Variants in TMEM132C observed in about 807,000 individuals in gnomAD.
TMEM132C encodes protein phosphatase 1, regulatory subunit 152.
Under a neutral mutation model 61.4 loss-of-function variants are expected in TMEM132C, and 29 were observed. The observed-to-expected ratio is 0.47, with a 90% CI of 0.35 to 0.64. The LOEUF is 0.64. Ranked by LOEUF, TMEM132C falls within the 30% of genes least tolerant of loss-of-function variation. The pLI is 0.00. For missense variants in TMEM132C, 1,408 were observed against 1,476.9 expected (o/e 0.95, Z 0.76); for synonymous variants, 656 against 633.1 (o/e 1.04, Z -0.54).
intron 1 of TMEM132C, among the ~76,000 whole-genome samples, chr12:128,270,203 A>G (rs962105022): frequency 9.2e-5 from 14 of 152,218 alleles, no homozygotes; most frequent in African/African-American, 1.7e-4. Flanking sequence ...TGGGAAGGTT[A>G]TGTGGGACCA....
In TMEM132C at chr12:128,597,948, C is replaced by T. The variant is rs776112443; in HGVS notation, c.1122-18204C>T. Among the ~76,000 whole-genome samples the T allele has an allele frequency of 5.9e-5, 9 of 152,110 alleles. No homozygotes were observed. In the South Asian group the frequency reaches 1.0e-3, roughly 18 times the overall value. On this transcript the variant is annotated intron_variant, in intron 3 of 8. Transcript: ENST00000435159. ...GGCAGAGGTCCCAGGGTAGCTGGAG[C>T]GTAGTGATCAAGGAGGGAAAGCAAA...
At chr12:128,332,920 A>G (rs1872698531) in intron 1 of TMEM132C, among the ~76,000 whole-genome samples, 1 of 152,244 alleles carries the variant, frequency 6.6e-6, no homozygotes, top group Non-Finnish European at 1.5e-5. Context: ...CAGACAGCTC[A>G]GAATTTGCTA....
intron 2 of TMEM132C, among the ~76,000 whole-genome samples, chr12:128,529,498 T>C (rs1319735413): frequency 6.6e-6 from 1 of 152,134 alleles, no homozygotes; most frequent in Non-Finnish European, 1.5e-5. Flanking sequence ...AAAAGAGATA[T>C]AAGGGCCAGA....
intron 1 of TMEM132C, among the ~76,000 whole-genome samples, chr12:128,382,892 ATATG>A (rs1874448177): frequency 6.6e-6 from 1 of 151,720 alleles, no homozygotes; most frequent in Non-Finnish European, 1.5e-5. Flanking sequence ...TGTGTACCAT[ATATG>A]TATCTGTGTA....
At chr12:128,640,522 G>A (rs1565999679) in intron 4 of TMEM132C, among the ~76,000 whole-genome samples, 2 of 152,156 alleles carry the variant, frequency 1.3e-5, no homozygotes, top group African/African-American at 4.8e-5. Flanking sequence ...TCTTTTGGGG[G>A]TGATGAAAAT....
chr12:128,322,674 T>A (rs1425181258), intron 1 of TMEM132C, among the ~76,000 whole-genome samples: 2 of 152,132 alleles, frequency 1.3e-5, no homozygotes, highest in African/African-American at 4.8e-5. Flanking sequence ...CAGAAATAGG[T>A]CTGAGAAACT....
At chr12:128,623,673 T>C (rs1242395348) in intron 4 of TMEM132C, among the ~76,000 whole-genome samples, 1 of 151,930 alleles carries the variant, frequency 6.6e-6, no homozygotes, top group Non-Finnish European at 1.5e-5. Flanking sequence ...CCGGGCGTGA[T>C]GGCAGGCACC....
Position 128,390,617 on chromosome 12 carries a change from C to T in TMEM132C, c.86-24115C>T, listed in dbSNP as rs191638421. Among the ~76,000 whole-genome samples the T allele has an allele frequency of 3.4e-3, 513 of 152,320 alleles. 2 individuals carry two copies. The highest frequency in any genetic ancestry group is 0.012 in the African/African-American group (494 of 41,572). ...CCGCCTCCCTCTCCCTGCAAACTTA[C>T]GTATGCACAAGCTCCACGGATTAGG... is the stretch of plus-strand genomic sequence containing the variant. On this transcript the variant is annotated intron_variant, in intron 1 of 8. Coordinates refer to ENST00000435159, the MANE Select transcript of TMEM132C (RefSeq NM_001136103.3).
At chr12:128,487,455 A>G (rs1871537644) in intron 2 of TMEM132C, among the ~76,000 whole-genome samples, 2 of 97,294 alleles carry the variant, frequency 2.1e-5, no homozygotes, top group Admixed American at 2.6e-4. Flanking sequence ...ATAGTCTTTT[A>G]TACATATAAA....
At chr12:128,420,529 A>G (rs1249778131) in intron 2 of TMEM132C, among the ~76,000 whole-genome samples, 1 of 152,212 alleles carries the variant, frequency 6.6e-6, no homozygotes, top group Non-Finnish European at 1.5e-5. Flanking sequence ...GAGCCATTGT[A>G]AAGACTTTTG....
At position 128,630,981 on chromosome 12, in the gene TMEM132C, G is replaced by A. The variant is rs920762924; in HGVS notation, c.1305+14646G>A. ...TGGGAGGCGGAGGCTGCAATGAGCC[G>A]AGATCACGCCACTGCATTCCAGCCT... On this transcript the variant is annotated intron_variant, in intron 4 of 8. Coordinates refer to ENST00000435159, the MANE Select transcript of TMEM132C (RefSeq NM_001136103.3). The surrounding 1 kb of genome is among the most constrained non-coding windows in gnomAD (Gnocchi z 4.3). Among the ~76,000 whole-genome samples the A allele has an allele frequency of 1.3e-5, 2 of 152,154 alleles. No homozygotes were observed. Among genetic ancestry groups the A allele is most frequent in the East Asian group, 1.9e-4 (1 of 5,204 alleles).
intron 3 of TMEM132C, among the ~76,000 whole-genome samples, chr12:128,547,104 A>G (rs1391509338): frequency 6.6e-6 from 1 of 152,208 alleles, no homozygotes; most frequent in East Asian, 1.9e-4. Flanking sequence ...TCTTATGTAT[A>G]GCACTGCCAC....
intron 2 of TMEM132C, among the ~76,000 whole-genome samples, chr12:128,464,367 G>T (rs1593062821): frequency 6.6e-6 from 1 of 152,172 alleles, no homozygotes; most frequent in East Asian, 1.9e-4. Context: ...ATGATATTCA[G>T]CATGAGCCAG....
At chr12:128,395,831 T>TGTA (rs10641823) in intron 1 of TMEM132C, among the ~76,000 whole-genome samples, 64,395 of 151,812 alleles carry the variant, frequency 0.42, 15,496 homozygotes, top group African/African-American at 0.65. Context: ...TAGACCTCCT[T>TGTA]GTGGTGCAAT....
intron 1 of TMEM132C, among the ~76,000 whole-genome samples, chr12:128,376,378 A>C (rs1874192518): frequency 2.0e-5 from 3 of 152,156 alleles, no homozygotes; most frequent in Admixed American, 2.0e-4. Context: ...CTGAGAGTGA[A>C]ATTTCTTTGA....
chr12:128,436,499 A>T (rs111948577), intron 2 of TMEM132C, among the ~76,000 whole-genome samples: 4,062 of 152,320 alleles, frequency 0.027, 173 homozygotes, highest in African/African-American at 0.088. Context: ...ATGAACAGAC[A>T]CTTCTCAAAA....
In TMEM132C at chr12:128,356,516, G is replaced by A. The variant is rs150401438; in HGVS notation, c.86-58216G>A. Among the ~76,000 whole-genome samples, 79 of 152,332 alleles carry A rather than the reference G, an allele frequency of 5.2e-4. No homozygotes were observed. In the East Asian group the frequency reaches 0.014, roughly 28 times the overall value. On this transcript the variant is annotated intron_variant, in intron 1 of 8. Transcript: ENST00000435159. ...GAGGAAATAAATGACTCTCTGAGCAGCAATAGCTCCCCAGAAGGGATGTTT... is the reference window on the plus strand; with the variant it reads ...GAGGAAATAAATGACTCTCTGAGCAACAATAGCTCCCCAGAAGGGATGTTT...
At position 128,414,669 on chromosome 12, in the gene TMEM132C, A is replaced by G. The variant is rs1014148171; in HGVS notation, c.86-63A>G. On this transcript the variant is annotated intron_variant, in intron 1 of 8. Transcript: ENST00000435159. ...TAAATGGCTTACAGACCTAACAGCT[A>G]ATGAGCAGCCCATTAATAATCCTGT... The G allele has an allele frequency of 1.0e-4, 149 of 1,434,856 alleles. 1 individual carries two copies. The highest frequency in any genetic ancestry group is 1.6e-4 in the Admixed American group (6 of 37,424). 88.9% of individuals were successfully genotyped at this position (1,434,856 alleles called of 1,614,324 possible).
chr12:128,538,703 C>T (rs150555095), intron 2 of TMEM132C, among the ~76,000 whole-genome samples: 8 of 152,278 alleles, frequency 5.3e-5, no homozygotes, highest in South Asian at 2.1e-4. Flanking sequence ...GGCATATCAC[C>T]GAGTAACGCA....
Sources: allele counts gnomAD v4.1 joint callset (sites outside exome capture counted in the v4.1 genomes callset), GRCh38; gene constraint gnomAD v4.1.1; non-coding constraint Gnocchi (gnomAD v3.1); transcripts MANE v1.5; gene names NCBI Gene and HGNC (gene_info 2026-07-23, HGNC 2026-07-21).